The following SQSTM1 variants were observed in gnomAD, a reference collection of about 807,000 sequenced individuals.
The protein encoded by SQSTM1 is sequestosome-1.
In SQSTM1, 36 loss-of-function variants were observed where a neutral mutation model predicts 45.1. The observed-to-expected ratio is 0.80, with a 90% CI of 0.61 to 1.05. The LOEUF is 1.05. SQSTM1 is among the 50% of genes least tolerant of loss of function. SQSTM1 has a pLI of 0.00. For synonymous variants in SQSTM1, 290 were observed against 244.3 expected (o/e 1.19, Z -1.74); for missense variants, 617 against 607.1 (o/e 1.02, Z -0.17).
In SQSTM1 at chr5:179,837,995, G is replaced by A; in HGVS notation, c.*1402G>A. ...TGGGCCTCTGGTTCTGACACTTTCTGCTGGAAGCTGTCAGGCTGGGACAGG... is the reference window on the plus strand; with the variant it reads ...TGGGCCTCTGGTTCTGACACTTTCTACTGGAAGCTGTCAGGCTGGGACAGG... On this transcript the variant is annotated 3_prime_UTR_variant, in exon 8 of 8. Transcript: ENST00000389805. 1 of 1,036,016 alleles carries A rather than the reference G, an allele frequency of 9.7e-7. No individual in the cohort carries two copies. The highest frequency in any genetic ancestry group is 1.6e-5 in the African/African-American group (1 of 62,752). 64.2% of individuals were successfully genotyped at this position (1,036,016 alleles called of 1,614,324 possible). A position where few individuals can be genotyped will look rare whatever the true frequency, so the allele number is the denominator to read the frequency against.
Position 179,811,573 on chromosome 5 carries a change from G to A in SQSTM1, c.-156-1G>A, listed in dbSNP as rs1757403953. 2 of 152,240 alleles carry A rather than the reference G, an allele frequency of 1.3e-5. No individual in the cohort carries two copies. Among genetic ancestry groups the A allele is most frequent in the Admixed American group, 6.6e-5 (1 of 15,262 alleles). The allele number at this position is 152,240 out of a possible 1,614,324, so 9.4% of individuals were successfully genotyped here. A position where few individuals can be genotyped will look rare whatever the true frequency, so the allele number is the denominator to read the frequency against. On this transcript the variant is annotated splice_acceptor_variant, in intron 1 of 5. Transcript: ENST00000514093. LOFTEE classifies it low-confidence loss of function (5UTR_SPLICE). ...AATTCCATTTTTCTCACTCTTCAAA[G>A]TGTCTGCGAGATTAATCTCTCATGG... is the stretch of plus-strand genomic sequence containing the variant.
chr5:179,806,456 C>T lies in SQSTM1; in HGVS notation c.-292C>T, dbSNP rs200371423. 222 of 1,220,282 alleles carry T rather than the reference C, an allele frequency of 1.8e-4. No individual in the cohort carries two copies. The East Asian group carries it at 7.3e-3, about 40-fold the overall frequency. 75.6% of individuals were successfully genotyped at this position (1,220,282 alleles called of 1,614,324 possible). On this transcript the variant is annotated 5_prime_UTR_variant, in exon 1 of 6. Coordinates refer to the SQSTM1 transcript ENST00000514093. This position sits in a 1 kb window ranked among gnomAD's most constrained non-coding sequence, Gnocchi z 4.6. The stretch of plus-strand genomic sequence containing the variant: ...TCCCGCCGCCGACGCCCAGGTGCGC[C>T]AGGTGCGGGCCGGGCGGGGGTCGCG...
At position 179,837,235 on chromosome 5, in the gene SQSTM1, G is replaced by T; in HGVS notation, c.*642G>T. On this transcript the variant is annotated 3_prime_UTR_variant, in exon 8 of 8. Transcript: ENST00000389805. ...AAATTTGTAAACAATCTAATTAAAT[G>T]GCATCAGCACTTTAACCAATGACGT... The T allele has an allele frequency of 6.3e-7, 1 of 1,597,860 alleles. No individual in the cohort carries two copies.
intron 2 of SQSTM1, chr5:179,811,907 C>T (rs1353718911): frequency 3.3e-5 from 5 of 152,194 alleles, no homozygotes; most frequent in Admixed American, 3.3e-4. Context: ...CGGGTTCACA[C>T]CATTCTCCTG....
At position 179,836,882 on chromosome 5, in the gene SQSTM1, G is replaced by A. The variant is rs559922612; in HGVS notation, c.*289G>A. ...CCTGACCCCTCCCTGCAGGGGCTAC[G>A]TTAGCAGCCCAGCACATAGCTTGCC... On this transcript the variant is annotated 3_prime_UTR_variant, in exon 8 of 8. Coordinates refer to ENST00000389805, the MANE Select transcript of SQSTM1 (RefSeq NM_003900.5). The A allele has an allele frequency of 3.6e-5, 22 of 612,150 alleles. No individual in the cohort carries two copies. The highest frequency in any genetic ancestry group is 5.5e-5 in the African/African-American group (3 of 54,084). The allele number at this position is 612,150 out of a possible 1,614,324, so 37.9% of individuals were successfully genotyped here.
chr5:179,826,149 C>G (rs1326212486), intron 5 of SQSTM1, among the ~76,000 whole-genome samples: 2 of 151,958 alleles, frequency 1.3e-5, no homozygotes, highest in East Asian at 3.9e-4. Context: ...GCCATCTGCT[C>G]CAACTTTGCT....
chr5:179,821,603 A>G, intron 1 of SQSTM1: 1 of 443,412 alleles, frequency 2.3e-6, no homozygotes, highest in Non-Finnish European at 4.5e-6. Flanking sequence ...CGGCGAGGGG[A>G]GGGAGTGACG....
intron 7 of SQSTM1, among the ~76,000 whole-genome samples, chr5:179,834,024 T>G (rs781618278): frequency 1.3e-5 from 2 of 152,044 alleles, no homozygotes; most frequent in Non-Finnish European, 2.9e-5. Flanking sequence ...GCCAGGAATA[T>G]TAATTGTAGG....
In SQSTM1 at chr5:179,833,774, T is replaced by A; in HGVS notation, c.1157T>A (p.Leu386His). 1.2e-6 allele frequency: 2 copies of A among 1,613,958 alleles called. No individual in the cohort carries two copies. Among genetic ancestry groups the A allele is most frequent in the Non-Finnish European group, 8.5e-7 (1 of 1,180,006 alleles). Residue 386 changes from leucine (L) to histidine (H), a missense_variant, in exon 7 of 8, where the codon CTC becomes CAC. Leu to His is a moderately conservative substitution (Grantham distance 99). Transcript: ENST00000389805. Reference protein sequence around the residue: ...GLKEAALYPHLPPEADPRLIE... With the variant: ...GLKEAALYPHHPPEADPRLIE... ...AAGGAAGCTGCCTTGTACCCACATC[T>A]CCCGCCAGGCAAGTGAACCAAGAGG...
chr5:179,821,269 C>G (rs1489176417), intron 1 of SQSTM1, 128 bp downstream of exon 1: 1 of 988,966 alleles, frequency 1.0e-6, no homozygotes, highest in Non-Finnish European at 1.4e-6. Flanking sequence ...TGGCTGCTCC[C>G]TGGATGGCGG....
intron 7 of SQSTM1, chr5:179,835,324 C>A: frequency 5.6e-6 from 1 of 178,112 alleles, no homozygotes. Flanking sequence ...CTTTGGGAGG[C>A]TAAGGCAGGC....
Position 179,806,661 on chromosome 5 carries a change from G to C in SQSTM1, c.-157+70G>C. 1 of 740,388 alleles carries C rather than the reference G, an allele frequency of 1.4e-6. No individual in the cohort carries two copies. The highest frequency in any genetic ancestry group is 1.7e-6 in the Non-Finnish European group (1 of 604,562). 45.9% of individuals were successfully genotyped at this position (740,388 alleles called of 1,614,324 possible). On this transcript the variant is annotated intron_variant, in intron 1 of 5. Transcript: ENST00000514093. This position sits in a 1 kb window ranked among gnomAD's most constrained non-coding sequence, Gnocchi z 4.6. Reference sequence around the variant, plus strand: ...GACCGGGGCCGGGGCGCAGGGGTCGGAAGGCGGCGGCGGCGGCGGCAGGGG... The same window carrying C: ...GACCGGGGCCGGGGCGCAGGGGTCGCAAGGCGGCGGCGGCGGCGGCAGGGG...
In SQSTM1 at chr5:179,836,540, A is replaced by G. The variant is rs777601802; in HGVS notation, c.1270A>G (p.Ile424Val). ...TRLLQTKNYD[I>V]GAALDTIQYS... ...GCTCCTGCAGACCAAGAACTATGAC[A>G]TCGGAGCGGCTCTGGACACCATCCA... Residue 424 changes from isoleucine to valine, a missense_variant, in exon 8 of 8, where the codon ATC (isoleucine) becomes GTC (valine). By Grantham distance (29) the Ile-to-Val change is conservative. Transcript: ENST00000389805. 6 of 1,614,222 alleles carry G rather than the reference A, an allele frequency of 3.7e-6. No homozygotes were observed. Among genetic ancestry groups the G allele is most frequent in the South Asian group, 2.2e-5 (2 of 91,084 alleles).
intron 2 of SQSTM1, 77 bp from the exon 3 acceptor site, chr5:179,823,781 G>GA: frequency 6.6e-7 from 1 of 1,508,694 alleles, no homozygotes; most frequent in South Asian, 1.1e-5. Flanking sequence ...TGCTGGCAGT[G>GA]ACAGCCCCAC....
chr5:179,812,135 T>C (rs1355835604), intron 2 of SQSTM1: 1 of 151,666 alleles, frequency 6.6e-6, no homozygotes, highest in Non-Finnish European at 1.5e-5. Context: ...AAATGAAAAA[T>C]GTTTAGGACG....
chr5:179,820,849 AGGCGGGGCGG>A, upstream of SQSTM1: 1 of 1,259,188 alleles, frequency 7.9e-7, no homozygotes, highest in African/African-American at 1.6e-5. Context: ...GCCCCTCTCG[AGGCGGGGCGG>A]GGCCTCCGCG....
Position 179,821,109 on chromosome 5 carries a change from T to C in SQSTM1, c.173T>C (p.Leu58Pro), listed in dbSNP as rs1757757443. 7.1e-7 allele frequency: 1 copy of C among 1,404,956 alleles called. No individual in the cohort carries two copies. The highest frequency in any genetic ancestry group is 9.2e-7 in the Non-Finnish European group (1 of 1,082,766). 87.0% of individuals were successfully genotyped at this position (1,404,956 alleles called of 1,614,324 possible). ...CGGGTGGCCGCCCTGTTCCCCGCGCTGCGGCCTGGCGGCTTCCAGGCGCAC... is the reference window on the plus strand; with the variant it reads ...CGGGTGGCCGCCCTGTTCCCCGCGCCGCGGCCTGGCGGCTTCCAGGCGCAC... ...LSRVAALFPA[L>P]RPGGFQAHYR... is the part of the protein sequence containing the mutation. The change falls in exon 1 of 8, where the codon CTG (leucine) becomes CCG (proline). Residue 58 changes from leucine (L) to proline (P), a missense_variant. Transcript: ENST00000389805.
chr5:179,825,266 CT>C lies in SQSTM1; in HGVS notation c.754+41del, dbSNP rs1389020248. On this transcript the variant is annotated intron_variant, in intron 5 of 7. Coordinates refer to ENST00000389805, the MANE Select transcript of SQSTM1 (RefSeq NM_003900.5). ...TTGCCCAGTGCTTCCCTAACTCAGC[CT>C]GCACTTTATGTAACTTTCACCTGGA... The C allele has an allele frequency of 2.6e-6, 4 of 1,531,662 alleles. No individual in the cohort carries two copies. The Admixed American group carries it at 5.0e-5, about 19-fold the overall frequency. The allele number at this position is 1,531,662 out of a possible 1,614,324, so 94.9% of individuals were successfully genotyped here.
chr5:179,820,947 T>C lies in SQSTM1; in HGVS notation c.11T>C (p.Leu4Pro). 6.4e-7 allele frequency: 1 copy of C among 1,555,620 alleles called. No homozygotes were observed. The highest frequency in any genetic ancestry group is 8.6e-7 in the Non-Finnish European group (1 of 1,156,940). MAS[L>P]TVKAYLLGKE... ...AGCTCGCCGCTCGCTATGGCGTCGCTCACCGTGAAGGCCTACCTTCTGGGC... is the reference window on the plus strand; with the variant it reads ...AGCTCGCCGCTCGCTATGGCGTCGCCCACCGTGAAGGCCTACCTTCTGGGC... The change falls in exon 1 of 8, where the codon CTC (leucine) becomes CCC (proline). Residue 4 changes from leucine (L) to proline (P), a missense_variant. Coordinates refer to ENST00000389805, the MANE Select transcript of SQSTM1 (RefSeq NM_003900.5).
Sources: gnomAD v4.1 joint callset for allele counts (sites outside exome capture counted in the v4.1 genomes callset) on GRCh38, gnomAD v4.1.1 for gene constraint, Gnocchi (gnomAD v3.1) non-coding constraint, MANE v1.5 for transcripts, NCBI Gene and HGNC (gene_info 2026-07-23, HGNC 2026-07-21) for gene names.